ASIC2: variants seen among roughly 807,000 people sequenced by gnomAD.
ASIC2 encodes the protein acid-sensing ion channel 2.
Under a neutral mutation model 57.3 loss-of-function variants are expected in ASIC2, and 25 were observed. That is an observed-to-expected ratio of 0.44 (90% CI 0.32 to 0.61). The LOEUF is 0.61. Ranked by LOEUF, ASIC2 falls within the 20% of genes least tolerant of loss-of-function variation. ASIC2 has a pLI of 0.06. For synonymous variants in ASIC2, 319 were observed against 307.5 expected, an observed-to-expected ratio of 1.04 and a Z score of -0.39; for missense variants, 641 against 738.1, an observed-to-expected ratio of 0.87 and a Z score of 1.52.
chr17:33,686,657 GTCAGAA>G (rs1248183197), intron 1 of ASIC2, among the ~76,000 whole-genome samples: 1 of 152,226 alleles, frequency 6.6e-6, no homozygotes, highest in East Asian at 1.9e-4. Context: ...TGGCCTTGCA[GTCAGAA>G]TGACTGGCCT....
chr17:33,639,536 T>C (rs897400016), intron 1 of ASIC2, among the ~76,000 whole-genome samples: 2 of 152,128 alleles, frequency 1.3e-5, no homozygotes, highest in Admixed American at 6.5e-5. Context: ...TTAGTGACCA[T>C]GAAATTCTCA....
At chr17:33,870,224 GTTTTTTTTTTTTTTTT>G (rs869267956) in intron 1 of ASIC2, among the ~76,000 whole-genome samples, 4 of 50,116 alleles carry the variant, frequency 8.0e-5, no homozygotes, top group Non-Finnish European at 1.4e-4. Flanking sequence ...GAGAAATTCT[GTTTTTTTTTTTTTTTT>G]TTTTTTTTTT....
intron 1 of ASIC2, among the ~76,000 whole-genome samples, chr17:33,421,900 G>T (rs1911057512): frequency 6.6e-6 from 1 of 152,132 alleles, no homozygotes. Context: ...CTACCTCCCT[G>T]TCACCTAACC....
At chr17:33,967,322 A>G (rs1483678994) in intron 1 of ASIC2, among the ~76,000 whole-genome samples, 1 of 151,896 alleles carries the variant, frequency 6.6e-6, no homozygotes, top group Non-Finnish European at 1.5e-5. Flanking sequence ...TGCAGCCTGA[A>G]CCTCCCAGGC....
intron 1 of ASIC2, among the ~76,000 whole-genome samples, chr17:33,503,201 T>C (rs1914151680): frequency 6.6e-6 from 1 of 152,178 alleles, no homozygotes; most frequent in South Asian, 2.1e-4. Context: ...GATGAGAGAA[T>C]GGTGATGAAG....
chr17:34,036,490 T>C (rs1458153046), intron 1 of ASIC2, among the ~76,000 whole-genome samples: 1 of 151,566 alleles, frequency 6.6e-6, no homozygotes, highest in Admixed American at 6.6e-5. Context: ...ACCTGCACGT[T>C]GTGCACACGT....
intron 1 of ASIC2, among the ~76,000 whole-genome samples, chr17:33,778,321 C>G (rs1287125256): frequency 6.6e-6 from 1 of 152,130 alleles, no homozygotes; most frequent in Non-Finnish European, 1.5e-5. Flanking sequence ...AGAACACAGT[C>G]CTTGTCAAAG....
intron 1 of ASIC2, among the ~76,000 whole-genome samples, chr17:33,153,322 A>T (rs1904874688): frequency 6.6e-6 from 1 of 152,210 alleles, no homozygotes; most frequent in South Asian, 2.1e-4. Context: ...CGATGGATGT[A>T]GATTGGCTTT....
chr17:33,448,510 C>G (rs1454092825), intron 1 of ASIC2, among the ~76,000 whole-genome samples: 6 of 152,202 alleles, frequency 3.9e-5, no homozygotes, highest in Non-Finnish European at 8.8e-5. Context: ...AGATTACGCA[C>G]TCAGAGGAGA....
chr17:33,616,036 A>G (rs1367462433), intron 1 of ASIC2, among the ~76,000 whole-genome samples: 1 of 152,156 alleles, frequency 6.6e-6, no homozygotes, highest in Non-Finnish European at 1.5e-5. Flanking sequence ...CAGTACATGT[A>G]ATTGGAGACA....
rs528547403 is a variant in ASIC2 at position 33,490,645 on chromosome 17, C to A, written c.556-378578G>T. On this transcript the variant is annotated intron_variant, in intron 1 of 9. Transcript: ENST00000359872. ...CCATCTAAGATGTGACTTTGCTTCT[C>A]TTTTGCCTTCCGCCCTGATTGCGAG... 3.3e-5 allele frequency among the ~76,000 whole-genome samples: 5 copies of A among 152,342 alleles called. No individual in the cohort carries two copies. In the South Asian group the frequency reaches 8.3e-4, roughly 25 times the overall value.
At chr17:33,788,630 A>G (rs1313570510) in intron 1 of ASIC2, among the ~76,000 whole-genome samples, 1 of 152,224 alleles carries the variant, frequency 6.6e-6, no homozygotes, top group Non-Finnish European at 1.5e-5. Context: ...ACTTTACAAT[A>G]GCAAAGACTT....
At chr17:33,052,292 A>C (rs2091980114) in intron 3 of ASIC2, 1 of 152,218 alleles carries the variant, frequency 6.6e-6, no homozygotes, top group African/African-American at 2.4e-5. Flanking sequence ...GCCAATTACA[A>C]AATTGTTAAT....
At chr17:33,188,620 C>T (rs1171460047) in intron 1 of ASIC2, among the ~76,000 whole-genome samples, 1 of 152,072 alleles carries the variant, frequency 6.6e-6, no homozygotes, top group Non-Finnish European at 1.5e-5. Flanking sequence ...AAGCAGACGT[C>T]TCAGAAATGA....
intron 1 of ASIC2, among the ~76,000 whole-genome samples, chr17:33,774,636 A>C (rs1470836916): frequency 6.6e-6 from 1 of 152,254 alleles, no homozygotes; most frequent in East Asian, 1.9e-4. Flanking sequence ...TTTATATCCC[A>C]TTGACCAAAA....
rs2141965384 is a variant in ASIC2, at chr17:33,088,914, G to A, written c.936C>T (p.Gly312=). 1 of 1,614,092 alleles carries A rather than the reference G, an allele frequency of 6.2e-7. No homozygotes were observed. Among genetic ancestry groups the A allele is most frequent in the Non-Finnish European group, 8.5e-7 (1 of 1,179,978 alleles). The change falls in exon 3 of 10, where the codon GGC becomes GGT. Residue 312 remains glycine (G), a synonymous_variant. Coordinates refer to ENST00000225823, the MANE Select transcript of ASIC2 (RefSeq NM_183377.2). ...QSEPPFIQEL[G]FGVAPGFQTF... Reference sequence around the variant, plus strand: ...TCTGGAACCCTGGAGCCACCCCAAAGCCCAGCTCTTGGATGAAAGGTGGCT... The same window carrying A: ...TCTGGAACCCTGGAGCCACCCCAAAACCCAGCTCTTGGATGAAAGGTGGCT...
intron 1 of ASIC2, among the ~76,000 whole-genome samples, chr17:33,167,416 A>G (rs548344352): frequency 1.8e-4 from 27 of 152,244 alleles, no homozygotes; most frequent in Admixed American, 1.4e-3. Context: ...CCACCGTCAC[A>G]CTAGTTGAGT....
At chr17:33,644,167 G>A (rs1470455418) in intron 1 of ASIC2, among the ~76,000 whole-genome samples, 1 of 151,996 alleles carries the variant, frequency 6.6e-6, no homozygotes, top group Non-Finnish European at 1.5e-5. Context: ...CTATGGGCTC[G>A]GGCAAGCCTT....
intron 1 of ASIC2, chr17:34,006,803 AG>A (rs976579691): frequency 2.0e-5 from 3 of 152,166 alleles, no homozygotes; most frequent in Non-Finnish European, 4.4e-5. Context: ...GAACTAGATA[AG>A]TTGGTCTTCG....
Sources: allele counts gnomAD v4.1 joint callset (sites outside exome capture counted in the v4.1 genomes callset), GRCh38; gene constraint gnomAD v4.1.1; transcripts MANE v1.5; gene names NCBI Gene and HGNC (gene_info 2026-07-23, HGNC 2026-07-21).